Variants in PPARA observed in about 807,000 individuals in gnomAD.
The protein encoded by PPARA is peroxisome proliferator activated receptor alpha.
In PPARA, 22 loss-of-function variants were observed where a neutral mutation model predicts 42.2. That is an observed-to-expected ratio of 0.52 (90% confidence interval 0.37 to 0.74). The LOEUF (loss-of-function observed/expected upper bound fraction) is 0.74, where lower values mean the gene tolerates loss of function less well. PPARA is among the 30% of genes least tolerant of loss of function. The pLI, the probability that PPARA is intolerant of heterozygous loss-of-function variation, is 0.00. For missense variants in PPARA, 465 were observed against 608.2 expected (o/e 0.76, Z 2.48); for synonymous variants, 242 against 239.3 (o/e 1.01, Z -0.10).
intron 3 of PPARA, among the ~76,000 whole-genome samples, 162 bp downstream of exon 3, chr22:46,176,998 T>A (rs4253664): frequency 1.3e-5 from 2 of 152,034 alleles, no homozygotes; most frequent in Admixed American, 6.6e-5. Flanking sequence ...ATCACGAGGT[T>A]AGGAGATTGA....
chr22:46,160,957 C>G lies in PPARA; in HGVS notation c.-127+8987C>G, dbSNP rs752049878. Among the ~76,000 whole-genome samples, 4 of 152,218 alleles carry G rather than the reference C, an allele frequency of 2.6e-5. No homozygotes were observed. The highest frequency in any genetic ancestry group is 4.4e-5 in the Non-Finnish European group (3 of 68,044). On this transcript the variant is annotated intron_variant, in intron 2 of 8. Coordinates refer to ENST00000407236, the MANE Select transcript of PPARA (RefSeq NM_005036.6). This position sits in a 1 kb window ranked among gnomAD's most constrained non-coding sequence, Gnocchi z 4.5. Reference sequence around the variant, plus strand: ...TTGGCTTTTTTTCCTGTTGCATTCCCTTTACTTAGATGAATCTAGCAAGGT... The same window carrying G: ...TTGGCTTTTTTTCCTGTTGCATTCCGTTTACTTAGATGAATCTAGCAAGGT...
rs998484445 is a variant in PPARA, at chr22:46,235,038, G to A, written c.1160-95G>A. ...GGCAGCTCAGTTTTTTTCTAAGAAA[G>A]GCCACATAAAATAGGCATGTTTGGT... On this transcript the variant is annotated intron_variant, in intron 8 of 8. Coordinates refer to ENST00000407236, the MANE Select transcript of PPARA (RefSeq NM_005036.6). This position sits in a 1 kb window ranked among gnomAD's most constrained non-coding sequence, Gnocchi z 7.0. The A allele has an allele frequency of 9.7e-6, 15 of 1,546,118 alleles. No homozygotes were observed. Among genetic ancestry groups the A allele is most frequent in the Non-Finnish European group, 1.2e-5 (14 of 1,120,770 alleles).
rs979751526 is a variant in PPARA at position 46,183,040 on chromosome 22, G to A, written c.-43+6204G>A. Among the ~76,000 whole-genome samples the A allele has an allele frequency of 5.3e-5, 8 of 152,056 alleles. No individual in the cohort carries two copies. The highest frequency in any genetic ancestry group is 3.9e-4 in the Admixed American group (6 of 15,240). ...GATTATAGGCATGAGCCACAGCACC[G>A]GGCCCATAAAGCTGTCTTTTAAATG... On this transcript the variant is annotated intron_variant, in intron 3 of 8. Transcript: ENST00000407236. This position sits in a 1 kb window ranked among gnomAD's most constrained non-coding sequence, Gnocchi z 5.5.
At chr22:46,172,531 TC>T (rs1928251166) in intron 2 of PPARA, among the ~76,000 whole-genome samples, 1 of 151,990 alleles carries the variant, frequency 6.6e-6, no homozygotes, top group Non-Finnish European at 1.5e-5. Flanking sequence ...GACAGGAGAA[TC>T]ACTTGAACCT....
Position 46,171,005 on chromosome 22 carries a change from A to G in PPARA, c.-126-5748A>G, listed in dbSNP as rs1472223710. On this transcript the variant is annotated intron_variant, in intron 2 of 8. Coordinates refer to ENST00000407236, the MANE Select transcript of PPARA (RefSeq NM_005036.6). The surrounding 1 kb of genome is among the most constrained non-coding windows in gnomAD (Gnocchi z 5.0). The stretch of plus-strand genomic sequence containing the variant: ...GCAAAACCCTCTCTCTACTAAAAAT[A>G]CAAAAATTAGCCAGGCACAATGGCA... Among the ~76,000 whole-genome samples, 1 of 149,366 alleles carries G rather than the reference A, an allele frequency of 6.7e-6. No homozygotes were observed. Among genetic ancestry groups the G allele is most frequent in the Non-Finnish European group, 1.5e-5 (1 of 66,512 alleles).
rs903296876 is a variant in PPARA, at chr22:46,195,726, C to G, written c.-42-2616C>G. Among the ~76,000 whole-genome samples the G allele has an allele frequency of 6.6e-6, 1 of 152,162 alleles. No homozygotes were observed. Among genetic ancestry groups the G allele is most frequent in the Non-Finnish European group, 1.5e-5 (1 of 68,038 alleles). ...TTGCTTTGGGACGGTATTCTTTACT[C>G]TATCTGGAGAGTCTGGCGTTCCGTA... is the stretch of plus-strand genomic sequence containing the variant. On this transcript the variant is annotated intron_variant, in intron 3 of 8. Transcript: ENST00000407236. This position sits in a 1 kb window ranked among gnomAD's most constrained non-coding sequence, Gnocchi z 4.6.
Position 46,184,883 on chromosome 22 carries a change from C to T in PPARA, c.-43+8047C>T, listed in dbSNP as rs560206758. On this transcript the variant is annotated intron_variant, in intron 3 of 8. Transcript: ENST00000407236. This position sits in a 1 kb window ranked among gnomAD's most constrained non-coding sequence, Gnocchi z 4.4. ...AAACAAAAAAAGTATTCTGTTGGAT[C>T]GTTTGTGTGCGACGTGTTTTTCCCT... Among the ~76,000 whole-genome samples the T allele has an allele frequency of 5.3e-5, 8 of 152,232 alleles. No homozygotes were observed. The highest frequency in any genetic ancestry group is 1.9e-4 in the East Asian group (1 of 5,176).
chr22:46,189,160 CA>C (rs1421510690), intron 3 of PPARA, among the ~76,000 whole-genome samples: 1 of 152,236 alleles, frequency 6.6e-6, no homozygotes, highest in East Asian at 1.9e-4. Flanking sequence ...GCAACGGACA[CA>C]AAATGTGTCC....
chr22:46,186,607 C>T (rs891914523), intron 3 of PPARA, among the ~76,000 whole-genome samples: 11 of 152,126 alleles, frequency 7.2e-5, no homozygotes, highest in Admixed American at 1.3e-4. Context: ...AACTGAGGTT[C>T]AGCCAGGCGT....
intron 2 of PPARA, among the ~76,000 whole-genome samples, chr22:46,166,227 G>A (rs1461130870): frequency 6.6e-6 from 1 of 152,134 alleles, no homozygotes; most frequent in Non-Finnish European, 1.5e-5. Context: ...ATTGGTCCCT[G>A]AGCATCTGTC....
Position 46,192,929 on chromosome 22 carries a change from TC to T in PPARA, c.-42-5412del. On this transcript the variant is annotated intron_variant, in intron 3 of 8. Transcript: ENST00000407236. The surrounding 1 kb of genome is among the most constrained non-coding windows in gnomAD (Gnocchi z 4.3). ...TTATTTGTGGGCTCTAAAAATCAAA[TC>T]ACTTGAACTCAGAGAGATTAGAAGG... Among the ~76,000 whole-genome samples the T allele has an allele frequency of 1.3e-5, 2 of 152,154 alleles. 1 individual carries two copies. Among genetic ancestry groups the T allele is most frequent in the Non-Finnish European group, 2.9e-5 (2 of 68,012 alleles).
At chr22:46,217,004 G>C (rs1369013813) in intron 5 of PPARA, among the ~76,000 whole-genome samples, 3 of 152,192 alleles carry the variant, frequency 2.0e-5, no homozygotes, top group Non-Finnish European at 4.4e-5. Context: ...CTGGCACAAT[G>C]TACCATCTTG....
At position 46,212,265 on chromosome 22, in the gene PPARA, C is replaced by T. The variant is rs745316140; in HGVS notation, c.209-2908C>T. Among the ~76,000 whole-genome samples, 2 of 151,868 alleles carry T rather than the reference C, an allele frequency of 1.3e-5. No homozygotes were observed. Among genetic ancestry groups the T allele is most frequent in the Non-Finnish European group, 2.9e-5 (2 of 67,982 alleles). ...AAAGATAGGGTTTCACCATGTTGCCCAGGCTGGTCTCAAACTCCTGAGCTC... is the reference window on the plus strand; with the variant it reads ...AAAGATAGGGTTTCACCATGTTGCCTAGGCTGGTCTCAAACTCCTGAGCTC... On this transcript the variant is annotated intron_variant, in intron 4 of 8. Transcript: ENST00000407236. This position sits in a 1 kb window ranked among gnomAD's most constrained non-coding sequence, Gnocchi z 4.2.
At chr22:46,214,558 C>T (rs1395324480) in intron 4 of PPARA, among the ~76,000 whole-genome samples, 1 of 54,552 alleles carries the variant, frequency 1.8e-5, no homozygotes, top group African/African-American at 8.3e-5. Context: ...TCAGGAGATG[C>T]GGGGGTCCAG....
At chr22:46,178,716 T>C (rs536520020) in intron 3 of PPARA, among the ~76,000 whole-genome samples, 1 of 152,250 alleles carries the variant, frequency 6.6e-6, no homozygotes, top group East Asian at 1.9e-4. Flanking sequence ...TGCCCAGTAC[T>C]TGTGCCAGCC....
intron 2 of PPARA, among the ~76,000 whole-genome samples, chr22:46,158,380 GAA>G (rs1002102727): frequency 6.6e-6 from 1 of 150,822 alleles, no homozygotes; most frequent in Non-Finnish European, 1.5e-5. Context: ...GCACATCTCA[GAA>G]AAAAAAAGAG....
At chr22:46,213,714 C>G (rs1011647525) in intron 4 of PPARA, among the ~76,000 whole-genome samples, 1 of 152,084 alleles carries the variant, frequency 6.6e-6, no homozygotes, top group African/African-American at 2.4e-5. Context: ...CTCAGCCTCC[C>G]GAGTAGCTGG....
rs1266922708 is a variant in PPARA, at chr22:46,204,249, A to T, written c.208+5658A>T. On this transcript the variant is annotated intron_variant, in intron 4 of 8. Transcript: ENST00000407236. The surrounding 1 kb of genome is among the most constrained non-coding windows in gnomAD (Gnocchi z 5.2). The stretch of plus-strand genomic sequence containing the variant: ...AGTTTGCTGATTCACGCACCTGTTG[A>T]TGAGCATTTAGGTTGTTTCTAGCTT... Among the ~76,000 whole-genome samples, 1 of 152,216 alleles carries T rather than the reference A, an allele frequency of 6.6e-6. No homozygotes were observed. The highest frequency in any genetic ancestry group is 2.4e-5 in the African/African-American group (1 of 41,470).
Position 46,198,576 on chromosome 22 carries a change from G to A in PPARA, c.193G>A (p.Gly65Ser). ...QYLGSCPGSD[G>S]SVITDTLSPA... ...TTTAGGAAGCTGTCCTGGCTCAGAT[G>A]GCTCGGTCATCACGGGTAAGTGTGC... is the stretch of plus-strand genomic sequence containing the variant. Residue 65 changes from glycine (G) to serine (S), a missense_variant, in exon 4 of 9, where the codon GGC becomes AGC. Gly to Ser is a moderately conservative substitution (Grantham distance 56). This residue lies in a region of PPARA where 152 missense variants were observed against 139.1 expected (regional missense o/e 1.09). Coordinates refer to ENST00000407236, the MANE Select transcript of PPARA (RefSeq NM_005036.6). 1 of 1,613,760 alleles carries A rather than the reference G, an allele frequency of 6.2e-7. No individual in the cohort carries two copies. The highest frequency in any genetic ancestry group is 8.5e-7 in the Non-Finnish European group (1 of 1,179,874).
Sources: gnomAD v4.1 joint callset for allele counts (sites outside exome capture counted in the v4.1 genomes callset) on GRCh38, gnomAD v4.1.1 for gene constraint, gnomAD v4.1.1 regional missense constraint, Gnocchi (gnomAD v3.1) non-coding constraint, MANE v1.5 for transcripts, NCBI Gene and HGNC (gene_info 2026-07-23, HGNC 2026-07-21) for gene names.